The following RBFOX1 variants were observed in gnomAD, a reference collection of about 807,000 sequenced individuals.
RBFOX1 encodes RNA binding fox-1 homolog 1, also known as RNA binding protein fox-1 homolog 1.
A neutral mutation model predicts 57.7 loss-of-function variants in RBFOX1; 8 were observed. The observed-to-expected ratio is 0.14, with a 90% CI of 0.08 to 0.25. The LOEUF is 0.25. Ranked by LOEUF, RBFOX1 falls within the 10% of genes least tolerant of loss-of-function variation. The probability of loss-of-function intolerance (pLI) is 1.00; values close to 1 mark genes in which losing one functional copy is unlikely to be tolerated. For synonymous variants in RBFOX1, 326 were observed against 222.4 expected, an observed-to-expected ratio of 1.47 and a Z score of -4.15; for missense variants, 611 against 548.5, an observed-to-expected ratio of 1.11 and a Z score of -1.14.
At chr16:6,673,187 A>G (rs945583409) in intron 3 of RBFOX1, among the ~76,000 whole-genome samples, 2 of 152,144 alleles carry the variant, frequency 1.3e-5, no homozygotes. Context: ...TATGGTCTCC[A>G]TGCTCCTTCC....
At chr16:5,419,250 G>A (rs551992760) in intron 1 of RBFOX1, among the ~76,000 whole-genome samples, 1 of 152,254 alleles carries the variant, frequency 6.6e-6, no homozygotes, top group East Asian at 1.9e-4. Flanking sequence ...AGTTGAAGTG[G>A]TAGACGGCCA....
At chr16:6,555,008 C>G (rs1236142403) in intron 2 of RBFOX1, among the ~76,000 whole-genome samples, 1 of 152,114 alleles carries the variant, frequency 6.6e-6, no homozygotes, top group African/African-American at 2.4e-5. Flanking sequence ...ATAAACCATT[C>G]CTTCTTAGCA....
chr16:6,027,205 T>G (rs1269572909), intron 1 of RBFOX1, among the ~76,000 whole-genome samples: 1 of 152,220 alleles, frequency 6.6e-6, no homozygotes, highest in Non-Finnish European at 1.5e-5. Context: ...AAGCTCCTTC[T>G]GTGCTAGGGC....
intron 4 of RBFOX1, among the ~76,000 whole-genome samples, chr16:7,464,073 A>G (rs112917176): frequency 1.7e-3 from 261 of 152,252 alleles, no homozygotes; most frequent in African/African-American, 5.9e-3. Context: ...TCTTCCTTGT[A>G]TCTATGCCAT....
intron 1 of RBFOX1, chr16:5,270,190 A>T (rs2062970492): frequency 7.0e-6 from 3 of 431,340 alleles, no homozygotes; most frequent in Admixed American, 6.4e-5. Context: ...GTTGTTAAGA[A>T]CAAGTGCCTT....
At chr16:7,508,090 G>A (rs2073958066) in intron 4 of RBFOX1, among the ~76,000 whole-genome samples, 2 of 151,992 alleles carry the variant, frequency 1.3e-5, no homozygotes, top group East Asian at 1.9e-4. Context: ...GGGTTCAAGC[G>A]ATTCTCGTGC....
intron 3 of RBFOX1, among the ~76,000 whole-genome samples, chr16:6,854,535 A>G (rs144543140): frequency 6.6e-6 from 1 of 151,076 alleles, no homozygotes; most frequent in Non-Finnish European, 1.5e-5. Flanking sequence ...TGCCTGGCCA[A>G]CGACATCTTC....
chr16:7,174,183 A>C (rs1340024704), intron 4 of RBFOX1, among the ~76,000 whole-genome samples: 1 of 142,830 alleles, frequency 7.0e-6, no homozygotes, highest in Admixed American at 6.7e-5. Context: ...TCCATGATAA[A>C]CTTTTTTTTT....
At chr16:7,649,022 T>TA (rs2064357874) in intron 11 of RBFOX1, among the ~76,000 whole-genome samples, 1 of 152,130 alleles carries the variant, frequency 6.6e-6, no homozygotes, top group Non-Finnish European at 1.5e-5. Flanking sequence ...AGGGTTCCTA[T>TA]CCAGACCCTA....
chr16:7,066,278 T>C, intron 4 of RBFOX1, among the ~76,000 whole-genome samples: 1 of 152,336 alleles, frequency 6.6e-6, no homozygotes, highest in Middle Eastern at 3.4e-3. Context: ...TTGACAAACA[T>C]GGTACGTTAC....
intron 2 of RBFOX1, among the ~76,000 whole-genome samples, chr16:5,476,671 T>C (rs2069336221): frequency 6.6e-6 from 1 of 152,250 alleles, no homozygotes; most frequent in Non-Finnish European, 1.5e-5. Flanking sequence ...GATACATGTT[T>C]AATATGATTT....
chr16:7,115,684 C>T (rs757727515), intron 4 of RBFOX1, among the ~76,000 whole-genome samples: 8 of 152,260 alleles, frequency 5.3e-5, no homozygotes, highest in Non-Finnish European at 1.0e-4. Flanking sequence ...AGGGGACACC[C>T]AAGACAGAGA....
chr16:7,522,728 G>A (rs976078423), intron 5 of RBFOX1, among the ~76,000 whole-genome samples: 2 of 152,222 alleles, frequency 1.3e-5, no homozygotes, highest in East Asian at 1.9e-4. Context: ...AGGGAATAAT[G>A]GTGCAGGAAA....
At chr16:6,521,398 C>T (rs932134357) in intron 2 of RBFOX1, among the ~76,000 whole-genome samples, 1 of 151,384 alleles carries the variant, frequency 6.6e-6, no homozygotes, top group African/African-American at 2.4e-5. Context: ...CCCTCTCTCC[C>T]TCCCTTCCTC....
intron 3 of RBFOX1, among the ~76,000 whole-genome samples, chr16:5,686,394 T>C (rs2151447798): frequency 6.6e-6 from 1 of 152,286 alleles, no homozygotes; most frequent in East Asian, 1.9e-4. Context: ...CCATTATTTT[T>C]TGAGAATAGA....
At chr16:7,368,137 C>A (rs750652243) in intron 4 of RBFOX1, among the ~76,000 whole-genome samples, 13 of 151,928 alleles carry the variant, frequency 8.6e-5, no homozygotes, top group Non-Finnish European at 1.5e-4. Flanking sequence ...CATGGTGGCA[C>A]ACACCAGTAG....
chr16:6,911,196 G>T (rs2071491358), intron 3 of RBFOX1, among the ~76,000 whole-genome samples: 1 of 66,768 alleles, frequency 1.5e-5, no homozygotes, highest in South Asian at 6.1e-4. Context: ...GAGTAAAATT[G>T]TGTCTCAAAA....
At chr16:5,374,759 G>A (rs1165498225) in intron 1 of RBFOX1, among the ~76,000 whole-genome samples, 1 of 150,762 alleles carries the variant, frequency 6.6e-6, no homozygotes, top group Non-Finnish European at 1.5e-5. Context: ...AAAAGAAGAC[G>A]ACTATTTCAT....
At chr16:5,810,760 T>G (rs549896581) in intron 3 of RBFOX1, among the ~76,000 whole-genome samples, 14 of 152,324 alleles carry the variant, frequency 9.2e-5, no homozygotes, top group African/African-American at 3.1e-4. Flanking sequence ...CTACTGAGCC[T>G]CCTGCTTTGG....
Sources: allele counts gnomAD v4.1 joint callset (sites outside exome capture counted in the v4.1 genomes callset), GRCh38; gene constraint gnomAD v4.1.1; transcripts MANE v1.5; gene names NCBI Gene and HGNC (gene_info 2026-07-23, HGNC 2026-07-21).